MCTP1: variants seen among roughly 807,000 people sequenced by gnomAD.
MCTP1 encodes the protein multiple C2 and transmembrane domain containing 1, also known as multiple C2 and transmembrane domain-containing protein 1.
A neutral mutation model predicts 120.6 loss-of-function variants in MCTP1; 69 were observed. The ratio of observed to expected loss-of-function variants is 0.57; its 90% confidence interval spans 0.47 to 0.70. The LOEUF is 0.70. Among genes scored for constraint, MCTP1 ranks in the 30% least tolerant of loss-of-function variants. MCTP1 has a pLI of 0.00. For missense variants in MCTP1, 1,203 were observed against 1,248.8 expected (o/e 0.96, Z 0.55); for synonymous variants, 529 against 493.1 (o/e 1.07, Z -0.96).
At chr5:94,907,279 CA>C (rs1807161884) in intron 10 of MCTP1, among the ~76,000 whole-genome samples, 2 of 152,182 alleles carry the variant, frequency 1.3e-5, no homozygotes, top group East Asian at 3.9e-4. Context: ...CTGCAAAAGG[CA>C]ACCTTGCTAA....
At chr5:94,816,897 T>A (rs1197720754) in intron 17 of MCTP1, among the ~76,000 whole-genome samples, 2 of 152,130 alleles carry the variant, frequency 1.3e-5, no homozygotes, top group African/African-American at 4.8e-5. Context: ...CTCTAAAAAT[T>A]TCTCCTTGTC....
chr5:94,954,844 G>A (rs1276472677), intron 2 of MCTP1, among the ~76,000 whole-genome samples: 4 of 152,048 alleles, frequency 2.6e-5, no homozygotes, highest in Admixed American at 2.6e-4. Context: ...AAGGGGTGGA[G>A]GTCTCAGAGA....
chr5:95,184,905 C>T (rs975477837), intron 1 of MCTP1, among the ~76,000 whole-genome samples: 1 of 152,158 alleles, frequency 6.6e-6, no homozygotes, highest in African/African-American at 2.4e-5. Context: ...ATGATTCCAT[C>T]TCCAACCTGA....
chr5:94,897,414 T>C (rs1203000349), intron 10 of MCTP1, among the ~76,000 whole-genome samples: 2 of 152,100 alleles, frequency 1.3e-5, no homozygotes, highest in Non-Finnish European at 2.9e-5. Flanking sequence ...TGGAGTGCAG[T>C]GGCGCGATCT....
chr5:94,711,661 A>G (rs1262066246), intron 20 of MCTP1, among the ~76,000 whole-genome samples: 1 of 152,000 alleles, frequency 6.6e-6, no homozygotes, highest in African/African-American at 2.4e-5. Context: ...AGGCTGCAAG[A>G]CTCAGTATTG....
intron 1 of MCTP1, among the ~76,000 whole-genome samples, chr5:95,194,910 G>A (rs1034268940): frequency 2.6e-5 from 4 of 152,280 alleles, no homozygotes; most frequent in African/African-American, 7.2e-5. Flanking sequence ...GAGAAAAGGC[G>A]AGACTTCAAG....
intron 19 of MCTP1, among the ~76,000 whole-genome samples, chr5:94,743,063 T>C (rs539807860): frequency 2.6e-5 from 4 of 151,944 alleles, no homozygotes; most frequent in Admixed American, 2.6e-4. Flanking sequence ...AAAATGTGAT[T>C]TCCTAATCTA....
At chr5:95,222,176 G>A (rs567250643) in intron 1 of MCTP1, among the ~76,000 whole-genome samples, 2 of 152,196 alleles carry the variant, frequency 1.3e-5, no homozygotes, top group African/African-American at 4.8e-5. Flanking sequence ...GCCATCCTCA[G>A]CACGCAGCTT....
intron 1 of MCTP1, among the ~76,000 whole-genome samples, chr5:95,176,543 C>T (rs1455660854): frequency 1.3e-5 from 2 of 152,062 alleles, no homozygotes; most frequent in East Asian, 1.9e-4. Context: ...ACAAAAACAG[C>T]AGTATTGATA....
rs548547808 is a variant in MCTP1, at chr5:95,212,543, G to A, written c.720+71313C>T. ...CCAGCATCATACTGATACCAAAGCCGCGCACAGACACAACCAAAAAAGAGA... is the reference window on the plus strand; with the variant it reads ...CCAGCATCATACTGATACCAAAGCCACGCACAGACACAACCAAAAAAGAGA... On this transcript the variant is annotated intron_variant, in intron 1 of 22. Coordinates refer to ENST00000515393, the MANE Select transcript of MCTP1 (RefSeq NM_024717.7). Among the ~76,000 whole-genome samples, 382 of 152,136 alleles carry A rather than the reference G, an allele frequency of 2.5e-3. 2 individuals are homozygous for A. The highest frequency in any genetic ancestry group is 3.1e-3 in the Non-Finnish European group (214 of 67,976).
At chr5:94,958,234 C>T (rs1233082067) in intron 2 of MCTP1, among the ~76,000 whole-genome samples, 2 of 152,100 alleles carry the variant, frequency 1.3e-5, no homozygotes, top group African/African-American at 4.8e-5. Context: ...AACAAAGACA[C>T]AACATACCAG....
chr5:95,049,977 C>T (rs1259987287), intron 1 of MCTP1, among the ~76,000 whole-genome samples: 1 of 151,968 alleles, frequency 6.6e-6, no homozygotes, highest in African/African-American at 2.4e-5. Flanking sequence ...TCTCTTTAGG[C>T]CCTCAGGGAG....
chr5:94,846,822 T>C (rs1211592058), intron 17 of MCTP1, among the ~76,000 whole-genome samples: 1 of 148,234 alleles, frequency 6.7e-6, no homozygotes, highest in Admixed American at 6.8e-5. Context: ...TGTGTCTGTG[T>C]GTGTGTGTGT....
intron 1 of MCTP1, among the ~76,000 whole-genome samples, chr5:95,048,870 G>C (rs1745205171): frequency 6.6e-6 from 1 of 152,088 alleles, no homozygotes; most frequent in African/African-American, 2.4e-5. Flanking sequence ...AAAAGAAAGG[G>C]GAAGTCAAAT....
intron 17 of MCTP1, among the ~76,000 whole-genome samples, chr5:94,830,471 A>C (rs1388442504): frequency 6.6e-6 from 1 of 152,232 alleles, no homozygotes; most frequent in Non-Finnish European, 1.5e-5. Context: ...TCTACAGAGT[A>C]AGAGATGACA....
intron 1 of MCTP1, among the ~76,000 whole-genome samples, chr5:95,027,376 A>C (rs1049437270): frequency 6.6e-6 from 1 of 152,220 alleles, no homozygotes; most frequent in Non-Finnish European, 1.5e-5. Flanking sequence ...GGCTGGTGCC[A>C]GGTTGTTATT....
chr5:95,110,460 A>C (rs952281464), intron 1 of MCTP1, among the ~76,000 whole-genome samples: 6 of 152,176 alleles, frequency 3.9e-5, no homozygotes, highest in Admixed American at 3.3e-4. Context: ...TAAGCAGCAC[A>C]GTTCCAATAT....
intron 12 of MCTP1, among the ~76,000 whole-genome samples, chr5:94,887,825 G>A (rs1476029341): frequency 6.6e-6 from 1 of 152,096 alleles, no homozygotes; most frequent in Admixed American, 6.6e-5. Context: ...AAATATTGCA[G>A]TTTTGGAACA....
At chr5:94,848,337 A>G (rs1330368211) in intron 17 of MCTP1, among the ~76,000 whole-genome samples, 4 of 152,064 alleles carry the variant, frequency 2.6e-5, no homozygotes. Flanking sequence ...CAAAACCTCC[A>G]AGTCACTCAA....
Sources: gnomAD v4.1 joint callset for allele counts (sites outside exome capture counted in the v4.1 genomes callset) on GRCh38, gnomAD v4.1.1 for gene constraint, MANE v1.5 for transcripts, NCBI Gene and HGNC (gene_info 2026-07-23, HGNC 2026-07-21) for gene names.